PCDHA3: variants seen among roughly 807,000 people sequenced by gnomAD.
PCDHA3 encodes the protein protocadherin alpha 3.
PCDHA3 carries 41 observed loss-of-function variants against 62.2 expected under a neutral mutation model. The observed-to-expected ratio is 0.66, with a 90% CI of 0.51 to 0.86. The LOEUF (loss-of-function observed/expected upper bound fraction) is 0.86. Ranked by LOEUF, PCDHA3 falls within the 40% of genes least tolerant of loss-of-function variation. PCDHA3 has a pLI of 0.00. For missense variants in PCDHA3, 1,304 were observed against 1,241.2 expected (o/e 1.05, Z -0.76); for synonymous variants, 640 against 555.4 (o/e 1.15, Z -2.14).
At chr5:140,844,853 C>T (rs1215427504) in intron 1 of PCDHA3, among the ~76,000 whole-genome samples, 1 of 149,202 alleles carries the variant, frequency 6.7e-6, no homozygotes, top group Admixed American at 6.7e-5. Flanking sequence ...ACTGTTGGAC[C>T]TGCCTGGATA....
At chr5:140,980,448 G>A (rs1333028932) in intron 2 of PCDHA3, among the ~76,000 whole-genome samples, 7 of 152,122 alleles carry the variant, frequency 4.6e-5, no homozygotes, top group African/African-American at 9.7e-5. Flanking sequence ...TGGACAACAC[G>A]GTGAAACCCT....
At chr5:140,882,961 G>A (rs267600401) in intron 1 of PCDHA3, 1 of 1,614,180 alleles carries the variant, frequency 6.2e-7, no homozygotes, top group Non-Finnish European at 8.5e-7. Context: ...TGCTCATCAC[G>A]ATTCTGGACG....
At chr5:140,886,916 G>A (rs1170747823) in intron 1 of PCDHA3, among the ~76,000 whole-genome samples, 1 of 151,436 alleles carries the variant, frequency 6.6e-6, no homozygotes, top group Non-Finnish European at 1.5e-5. Flanking sequence ...CTTATTGAGT[G>A]TTCTCTATGT....
intron 1 of PCDHA3, chr5:140,875,761 G>A (rs373515339): frequency 1.9e-6 from 3 of 1,614,236 alleles, no homozygotes; most frequent in East Asian, 2.2e-5. Flanking sequence ...GAAGCTGTGC[G>A]GGCGGAGCGC....
intron 1 of PCDHA3, among the ~76,000 whole-genome samples, chr5:140,879,038 AAGAT>A (rs2057824267): frequency 6.6e-6 from 1 of 152,380 alleles, no homozygotes; most frequent in Admixed American, 6.5e-5. Flanking sequence ...AGTGTCTTGA[AAGAT>A]AGACAACATT....
At position 140,902,128 on chromosome 5, in the gene PCDHA3, A is replaced by T. The variant is rs140093707; in HGVS notation, c.2395-76821A>T. On this transcript the variant is annotated intron_variant, in intron 1 of 3. Transcript: ENST00000522353. ...ATTTTTTTAAAACTGAGATTATATC[A>T]TCTGCAAACAAGGATAATTTGATTT... Among the ~76,000 whole-genome samples the T allele has an allele frequency of 8.6e-3, 1,299 of 150,978 alleles. 13 individuals are homozygous for T. Among genetic ancestry groups the T allele is most frequent in the African/African-American group, 0.03 (1,241 of 41,218 alleles).
At chr5:140,911,316 A>G (rs1308533373) in intron 1 of PCDHA3, among the ~76,000 whole-genome samples, 1 of 152,186 alleles carries the variant, frequency 6.6e-6, no homozygotes, top group African/African-American at 2.4e-5. Context: ...TCCAAGTTTC[A>G]GGATCCCATT....
rs1415621431 is a variant in PCDHA3, at chr5:140,835,028, C to T, written c.2394+31437C>T. On this transcript the variant is annotated intron_variant, in intron 1 of 3. Transcript: ENST00000522353. The stretch of plus-strand genomic sequence containing the variant: ...AGCTTCATTTATTGCTCACGGCCAC[C>T]GATGGAGGCAAACCCGAGCTGACTG... 1.7e-5 allele frequency: 22 copies of T among 1,326,496 alleles called. No individual in the cohort carries two copies. The African/African-American group carries it at 3.2e-4, about 19-fold the overall frequency. The allele number at this position is 1,326,496 out of a possible 1,614,324, so 82.2% of individuals were successfully genotyped here.
intron 1 of PCDHA3, among the ~76,000 whole-genome samples, chr5:140,826,646 A>G (rs1769000143): frequency 6.6e-6 from 1 of 152,182 alleles, no homozygotes; most frequent in Non-Finnish European, 1.5e-5. Flanking sequence ...ATATGAAGGT[A>G]ACATTTTTGC....
At chr5:140,952,885 A>G (rs1285549724) in intron 1 of PCDHA3, among the ~76,000 whole-genome samples, 1 of 152,174 alleles carries the variant, frequency 6.6e-6, no homozygotes, top group Non-Finnish European at 1.5e-5. Flanking sequence ...TCATGGTGGA[A>G]GGCAAAGGGG....
At chr5:140,847,907 G>GT (rs1781241234) in intron 1 of PCDHA3, 1 of 149,326 alleles carries the variant, frequency 6.7e-6, no homozygotes, top group Non-Finnish European at 1.5e-5. Context: ...TAGATTTCTG[G>GT]GCTCCTATAT....
In PCDHA3 at chr5:140,849,224, C is replaced by G; in HGVS notation, c.2394+45633C>G. The G allele has an allele frequency of 1.9e-6, 2 of 1,040,424 alleles. 1 individual carries two copies. The allele number at this position is 1,040,424 out of a possible 1,614,324, so 64.4% of individuals were successfully genotyped here. A position where few individuals can be genotyped will look rare whatever the true frequency, so the allele number is the denominator to read the frequency against. On this transcript the variant is annotated intron_variant, in intron 1 of 3. Coordinates refer to ENST00000522353, the MANE Select transcript of PCDHA3 (RefSeq NM_018906.3). ...ACAATGACAATGCCCCAGTGTTCGACAGAACCCTGTATACGGTGAAATTAC... is the reference window on the plus strand; with the variant it reads ...ACAATGACAATGCCCCAGTGTTCGAGAGAACCCTGTATACGGTGAAATTAC...
intron 1 of PCDHA3, among the ~76,000 whole-genome samples, chr5:140,970,633 A>G (rs2096420540): frequency 6.6e-6 from 1 of 152,210 alleles, no homozygotes; most frequent in Admixed American, 6.5e-5. Context: ...AAAATTTTGT[A>G]CCATAAATAG....
rs1167660688 is a variant in PCDHA3 at position 140,802,205 on chromosome 5, T to G, written c.1008T>G (p.Val336=). 6.2e-7 allele frequency: 1 copy of G among 1,614,222 alleles called. No individual in the cohort carries two copies. The highest frequency in any genetic ancestry group is 1.7e-5 in the Admixed American group (1 of 60,024). Residue 336 remains valine (V), a synonymous_variant, in exon 1 of 4, where the codon GTT becomes GTG. Coordinates refer to ENST00000522353, the MANE Select transcript of PCDHA3 (RefSeq NM_018906.3). ...GNPPMSDHCT[V]LLEIVDINDN... ...CCCCAATGTCAGATCACTGCACAGTTCTACTCGAAATTGTGGACATCAATG... is the reference window on the plus strand; with the variant it reads ...CCCCAATGTCAGATCACTGCACAGTGCTACTCGAAATTGTGGACATCAATG...
At chr5:140,866,322 C>G (rs1235184378) in intron 1 of PCDHA3, 1 of 152,052 alleles carries the variant, frequency 6.6e-6, no homozygotes, top group Non-Finnish European at 1.5e-5. Context: ...TTCAGGGACC[C>G]TGAACTTGGC....
intron 1 of PCDHA3, among the ~76,000 whole-genome samples, chr5:140,903,075 C>T (rs2069986128): frequency 6.6e-6 from 1 of 152,114 alleles, no homozygotes; most frequent in Non-Finnish European, 1.5e-5. Flanking sequence ...TGGGTAGATA[C>T]CTGATAGTGG....
At chr5:140,834,787 C>G in intron 1 of PCDHA3, 1 of 1,613,658 alleles carries the variant, frequency 6.2e-7, no homozygotes, top group Non-Finnish European at 8.5e-7. Flanking sequence ...GTGTTCCCAG[C>G]GACACAAAGG....
In PCDHA3 at chr5:140,803,652, A is replaced by G. The variant is rs17844265; in HGVS notation, c.2394+61A>G. 2.6e-3 allele frequency: 4,144 copies of G among 1,610,988 alleles called. 100 individuals are homozygous for G. The Admixed American group carries it at 0.045, about 18-fold the overall frequency. On this transcript the variant is annotated intron_variant, in intron 1 of 3. Coordinates refer to ENST00000522353, the MANE Select transcript of PCDHA3 (RefSeq NM_018906.3). Reference sequence around the variant, plus strand: ...TTGTTTTTCATTCCTCAATGTTTCCACTCCTCTGGAAATACATTAATAGTT... The same window carrying G: ...TTGTTTTTCATTCCTCAATGTTTCCGCTCCTCTGGAAATACATTAATAGTT...
chr5:140,856,824 T>C (rs1554149171), intron 1 of PCDHA3: 1 of 1,592,156 alleles, frequency 6.3e-7, no homozygotes, highest in Middle Eastern at 1.7e-4. Flanking sequence ...AACCAAACAT[T>C]AGTAATACGG....
Sources: gnomAD v4.1 joint callset for allele counts (sites outside exome capture counted in the v4.1 genomes callset) on GRCh38, gnomAD v4.1.1 for gene constraint, MANE v1.5 for transcripts, NCBI Gene and HGNC (gene_info 2026-07-23, HGNC 2026-07-21) for gene names.